The following GBP7 variants were observed in gnomAD, a reference collection of about 807,000 sequenced individuals.
GBP7 encodes guanylate binding protein 7.
GBP7 carries 43 observed loss-of-function variants against 61.3 expected under a neutral mutation model. The observed-to-expected ratio is 0.70, with a 90% CI of 0.55 to 0.91. GBP7 has a LOEUF of 0.91. GBP7 is among the 40% of genes least tolerant of loss of function. The probability of loss-of-function intolerance (pLI) is 0.00; values close to 1 mark genes in which losing one functional copy is unlikely to be tolerated. For missense variants in GBP7, 717 were observed against 740.5 expected, an observed-to-expected ratio of 0.97 and a Z score of 0.37; for synonymous variants, 267 against 271.0, an observed-to-expected ratio of 0.99 and a Z score of 0.14.
intron 1 of GBP7, among the ~76,000 whole-genome samples, chr1:89,172,626 C>G (rs1292197500): frequency 6.6e-6 from 1 of 152,102 alleles, no homozygotes; most frequent in Non-Finnish European, 1.5e-5. Context: ...GTGCTATGGC[C>G]TTAACTTTGA....
rs149311429 is a variant in GBP7, at chr1:89,174,466, C to T, written c.-20+1455G>A. ...CAAAATTTCCTTTGGAAGCTTTTCACGTTCACATTTAGATCTTTGGACTGA... is the reference window on the plus strand; with the variant it reads ...CAAAATTTCCTTTGGAAGCTTTTCATGTTCACATTTAGATCTTTGGACTGA... On this transcript the variant is annotated intron_variant, in intron 1 of 10. Transcript: ENST00000294671. Among the ~76,000 whole-genome samples the T allele has an allele frequency of 8.7e-3, 1,322 of 152,268 alleles. 10 individuals carry two copies. Among genetic ancestry groups the T allele is most frequent in the Middle Eastern group, 0.02 (6 of 294 alleles).
chr1:89,136,140 C>T (rs1400295078), intron 9 of GBP7, among the ~76,000 whole-genome samples: 1 of 152,118 alleles, frequency 6.6e-6, no homozygotes, highest in South Asian at 2.1e-4. Flanking sequence ...GCACCCAATA[C>T]TAGAGGACCC....
chr1:89,157,956 T>TCCTCA (rs1682355048), intron 3 of GBP7, among the ~76,000 whole-genome samples: 1 of 151,826 alleles, frequency 6.6e-6, no homozygotes. Flanking sequence ...AGTGCAAAAA[T>TCCTCA]CCTCAATAAG....
intron 3 of GBP7, among the ~76,000 whole-genome samples, chr1:89,160,422 G>A (rs996984220): frequency 6.6e-6 from 1 of 152,108 alleles, no homozygotes; most frequent in African/African-American, 2.4e-5. Context: ...TAGGGAGGAA[G>A]CAAAGTGAAG....
At chr1:89,133,989 C>T (rs1271071853) in intron 9 of GBP7, among the ~76,000 whole-genome samples, 1 of 152,208 alleles carries the variant, frequency 6.6e-6, no homozygotes, top group Admixed American at 6.5e-5. Flanking sequence ...ACTATTGGTC[C>T]TGGATAGAAC....
chr1:89,137,113 T>G (rs1381373834), intron 9 of GBP7, among the ~76,000 whole-genome samples: 1 of 151,836 alleles, frequency 6.6e-6, no homozygotes, highest in African/African-American at 2.4e-5. Flanking sequence ...AGGAAGAAAT[T>G]GAAACCTGGA....
chr1:89,133,513 T>C (rs1158291412), intron 9 of GBP7, 62 bp from the exon 10 acceptor site: 4 of 1,388,254 alleles, frequency 2.9e-6, no homozygotes, highest in Non-Finnish European at 4.0e-6. Context: ...AGAACCATCA[T>C]GGCTAAGTAG....
At chr1:89,164,391 G>A (rs920669861) in intron 3 of GBP7, among the ~76,000 whole-genome samples, 2 of 152,102 alleles carry the variant, frequency 1.3e-5, no homozygotes, top group East Asian at 1.9e-4. Flanking sequence ...TGTTGTCTTC[G>A]CCACTAGGCT....
chr1:89,158,104 C>A (rs1682357730), intron 3 of GBP7, among the ~76,000 whole-genome samples: 1 of 152,114 alleles, frequency 6.6e-6, no homozygotes, highest in African/African-American at 2.4e-5. Context: ...GAACCAAAGA[C>A]AAAAACCACA....
intron 2 of GBP7, among the ~76,000 whole-genome samples, chr1:89,171,273 A>C (rs1037655444): frequency 6.6e-6 from 1 of 152,176 alleles, no homozygotes; most frequent in African/African-American, 2.4e-5. Context: ...ACACTTTAAC[A>C]TCAGCCTTCT....
intron 7 of GBP7, 105 bp from the exon 8 acceptor site, chr1:89,147,884 G>A (rs1682105524): frequency 3.5e-6 from 4 of 1,134,946 alleles, no homozygotes; most frequent in Non-Finnish European, 3.9e-6. Flanking sequence ...AGAGCAGGCT[G>A]AGTTACGGTG....
intron 3 of GBP7, 77 bp downstream of exon 3, chr1:89,164,654 A>C: frequency 1.4e-6 from 2 of 1,382,796 alleles, no homozygotes; most frequent in Non-Finnish European, 2.0e-6. Flanking sequence ...AGGCCAGAGA[A>C]GTTGGATTGA....
intron 3 of GBP7, among the ~76,000 whole-genome samples, chr1:89,155,898 A>G (rs1287754608): frequency 6.6e-6 from 1 of 152,234 alleles, no homozygotes; most frequent in East Asian, 1.9e-4. Context: ...TCCAAGACAC[A>G]TAATTGTCAG....
At chr1:89,171,279 C>T (rs898818370) in intron 2 of GBP7, among the ~76,000 whole-genome samples, 1 of 152,152 alleles carries the variant, frequency 6.6e-6, no homozygotes, top group Non-Finnish European at 1.5e-5. Context: ...TAACATCAGC[C>T]TTCTGACTGG....
chr1:89,144,772 C>A (rs1334967650), intron 8 of GBP7, among the ~76,000 whole-genome samples: 1 of 151,998 alleles, frequency 6.6e-6, no homozygotes. Flanking sequence ...ACTCTCTTAG[C>A]AAATTTCTAG....
At position 89,147,216 on chromosome 1, in the gene GBP7, G is replaced by A. The variant is rs371250133; in HGVS notation, c.1365+351C>T. Among the ~76,000 whole-genome samples, 55 of 152,232 alleles carry A rather than the reference G, an allele frequency of 3.6e-4. 6 individuals are homozygous for A. The highest frequency in any genetic ancestry group is 9.2e-4 in the Admixed American group (14 of 15,288). On this transcript the variant is annotated intron_variant, in intron 8 of 10. Transcript: ENST00000294671. ...TAACCACAATCACACCATATCCAAT[G>A]AGTATTAATTTGTCCATCTTGTGTA...
At chr1:89,173,303 C>T (rs528930369) in intron 1 of GBP7, among the ~76,000 whole-genome samples, 75 of 152,214 alleles carry the variant, frequency 4.9e-4, no homozygotes, top group African/African-American at 1.7e-3. Context: ...TACTAGGACA[C>T]ATCTATATTT....
intron 2 of GBP7, among the ~76,000 whole-genome samples, chr1:89,166,711 T>G (rs604593): frequency 0.74 from 112,121 of 152,120 alleles, 41,615 homozygotes; most frequent in African/African-American, 0.81. Context: ...GATGGGAACT[T>G]CCATTGAAGA....
At chr1:89,152,505 A>T in intron 4 of GBP7, 41 bp from the exon 5 acceptor site, 14 of 1,583,512 alleles carry the variant, frequency 8.8e-6, no homozygotes, top group Non-Finnish European at 1.2e-5. Flanking sequence ...CTACACCATC[A>T]TTTCCACATC....
Sources: gnomAD v4.1 joint callset for allele counts (sites outside exome capture counted in the v4.1 genomes callset) on GRCh38, gnomAD v4.1.1 for gene constraint, MANE v1.5 for transcripts, NCBI Gene and HGNC (gene_info 2026-07-23, HGNC 2026-07-21) for gene names.